The following DTNA variants were observed in gnomAD, a reference collection of about 807,000 sequenced individuals.
DTNA encodes the protein dystrophin-related protein 3.
In DTNA, 43 loss-of-function variants were observed where a neutral mutation model predicts 100.7. The observed-to-expected ratio is 0.43, with a 90% CI of 0.33 to 0.55. The LOEUF (loss-of-function observed/expected upper bound fraction) is 0.55, where lower values mean the gene tolerates loss of function less well. Among genes scored for constraint, DTNA ranks in the 20% least tolerant of loss-of-function variants. DTNA has a pLI of 0.04. For synonymous variants in DTNA, 349 were observed against 347.9 expected (o/e 1.00, Z -0.04); for missense variants, 798 against 953.9 (o/e 0.84, Z 2.15).
chr18:34,688,720 A>G (rs1269335766), intron 1 of DTNA, among the ~76,000 whole-genome samples: 1 of 152,138 alleles, frequency 6.6e-6, no homozygotes, highest in Non-Finnish European at 1.5e-5. Flanking sequence ...TCTCCTGAAT[A>G]ATATCCTGAA....
intron 3 of DTNA, among the ~76,000 whole-genome samples, chr18:34,767,112 AT>A (rs1217439704): frequency 6.6e-6 from 1 of 152,124 alleles, no homozygotes; most frequent in Admixed American, 6.5e-5. Flanking sequence ...AAAAAGTCTC[AT>A]TTTTTAATTA....
chr18:34,844,188 G>A (rs1002216647), intron 13 of DTNA, among the ~76,000 whole-genome samples: 2 of 152,152 alleles, frequency 1.3e-5, no homozygotes, highest in Non-Finnish European at 2.9e-5. Context: ...ATAGGGGGTT[G>A]TTGAAGTCAG....
intron 16 of DTNA, among the ~76,000 whole-genome samples, chr18:34,863,047 T>A (rs1243114634): frequency 6.6e-6 from 1 of 152,228 alleles, no homozygotes; most frequent in Non-Finnish European, 1.5e-5. Flanking sequence ...TAAGTATGAA[T>A]ATTTCAAACT....
chr18:34,497,880 A>G (rs1363083056), intron 1 of DTNA, among the ~76,000 whole-genome samples: 1 of 152,218 alleles, frequency 6.6e-6, no homozygotes, highest in Admixed American at 6.5e-5. Flanking sequence ...ACCATTTGAA[A>G]CTATTAAAAT....
intron 1 of DTNA, among the ~76,000 whole-genome samples, chr18:34,577,320 C>A (rs1293913806): frequency 6.6e-6 from 1 of 152,048 alleles, no homozygotes; most frequent in Non-Finnish European, 1.5e-5. Context: ...TATCTTTTAC[C>A]ATTTTTAAAC....
At chr18:34,866,232 G>T in intron 17 of DTNA, 1 of 1,609,466 alleles carries the variant, frequency 6.2e-7, no homozygotes, top group Non-Finnish European at 8.5e-7. Flanking sequence ...TCATGCTTCA[G>T]TTTGGAAAGA....
intron 1 of DTNA, among the ~76,000 whole-genome samples, chr18:34,551,316 A>G (rs2045388738): frequency 6.6e-6 from 1 of 152,084 alleles, no homozygotes; most frequent in African/African-American, 2.4e-5. Context: ...TCTGCCTCCA[A>G]ACTATATCCC....
At chr18:34,520,181 T>G (rs549948842) in intron 1 of DTNA, among the ~76,000 whole-genome samples, 6 of 152,316 alleles carry the variant, frequency 3.9e-5, no homozygotes, top group Admixed American at 3.9e-4. Flanking sequence ...TCTGTCCTGC[T>G]CTCTTAACAG....
At chr18:34,766,988 G>T (rs1318612476) in intron 3 of DTNA, among the ~76,000 whole-genome samples, 5 of 151,922 alleles carry the variant, frequency 3.3e-5, no homozygotes, top group African/African-American at 9.7e-5. Context: ...CTTATTCTCT[G>T]CTGGGTCAAC....
At chr18:34,790,036 T>A (rs1200465503) in intron 3 of DTNA, among the ~76,000 whole-genome samples, 3 of 152,248 alleles carry the variant, frequency 2.0e-5, no homozygotes, top group Non-Finnish European at 4.4e-5. Flanking sequence ...TCTCTGTGAT[T>A]CTTCATGACT....
At chr18:34,882,666 T>G (rs145613129) in intron 21 of DTNA, among the ~76,000 whole-genome samples, 2,060 of 152,130 alleles carry the variant, frequency 0.014, 50 homozygotes, top group African/African-American at 0.047. Flanking sequence ...CTGCACCCAC[T>G]CTTATAGCTG....
intron 1 of DTNA, among the ~76,000 whole-genome samples, chr18:34,563,841 G>A (rs893425785): frequency 1.3e-5 from 2 of 152,086 alleles, no homozygotes; most frequent in Admixed American, 6.6e-5. Flanking sequence ...ATAAATTATG[G>A]TTATGTTTCT....
At chr18:34,662,541 A>G (rs1229610381) in intron 1 of DTNA, among the ~76,000 whole-genome samples, 1 of 152,216 alleles carries the variant, frequency 6.6e-6, no homozygotes, top group East Asian at 1.9e-4. Context: ...CAAAAATCTC[A>G]GTCTCACTTA....
intron 1 of DTNA, among the ~76,000 whole-genome samples, chr18:34,528,016 A>G (rs2042791815): frequency 6.6e-6 from 1 of 152,130 alleles, no homozygotes; most frequent in Non-Finnish European, 1.5e-5. Context: ...AGGAATGTTA[A>G]TATACCTGCT....
At chr18:34,860,227 T>G (rs972510725) in intron 16 of DTNA, among the ~76,000 whole-genome samples, 10 of 130,782 alleles carry the variant, frequency 7.6e-5, no homozygotes, top group East Asian at 4.3e-4. Flanking sequence ...TTTGTTTTTT[T>G]TTTTTTTTTT....
At chr18:34,593,259 T>A (rs1428487105) in intron 1 of DTNA, 1 of 152,266 alleles carries the variant, frequency 6.6e-6, no homozygotes, top group East Asian at 1.9e-4. Flanking sequence ...AAGCCTGCCA[T>A]TGGCGAGCTT....
chr18:34,584,164 T>A (rs2048902472), intron 1 of DTNA, among the ~76,000 whole-genome samples: 1 of 152,168 alleles, frequency 6.6e-6, no homozygotes, highest in Non-Finnish European at 1.5e-5. Context: ...ATCTTGCTAA[T>A]CTTGAGGGCA....
chr18:34,687,219 T>G (rs1477221186), intron 1 of DTNA, among the ~76,000 whole-genome samples: 1 of 152,192 alleles, frequency 6.6e-6, no homozygotes, highest in Non-Finnish European at 1.5e-5. Flanking sequence ...CTCTAGTTCT[T>G]TTAATTGTGA....
At chr18:34,588,239 CTT>C (rs1567959952) in intron 1 of DTNA, among the ~76,000 whole-genome samples, 1 of 152,164 alleles carries the variant, frequency 6.6e-6, no homozygotes, top group African/African-American at 2.4e-5. Context: ...TAAAACCTCT[CTT>C]AAGTGTTTTA....
Sources: gnomAD v4.1 joint callset for allele counts (sites outside exome capture counted in the v4.1 genomes callset) on GRCh38, gnomAD v4.1.1 for gene constraint, MANE v1.5 for transcripts, NCBI Gene and HGNC (gene_info 2026-07-23, HGNC 2026-07-21) for gene names.